PMS2: variants seen among roughly 807,000 people sequenced by gnomAD.
PMS2 encodes PMS1 homolog 2, mismatch repair system component, also known as mismatch repair endonuclease PMS2.
In PMS2, 69 loss-of-function variants were observed where a neutral mutation model predicts 90.0. The observed-to-expected ratio is 0.77, with a 90% CI of 0.63 to 0.94. The LOEUF (loss-of-function observed/expected upper bound fraction) is 0.94. Among genes scored for constraint, PMS2 ranks in the 40% least tolerant of loss-of-function variants. The pLI, the probability that PMS2 is intolerant of heterozygous loss-of-function variation, is 0.00. For missense variants in PMS2, 966 were observed against 1,040.2 expected, an observed-to-expected ratio of 0.93 and a Z score of 0.98; for synonymous variants, 332 against 375.1, an observed-to-expected ratio of 0.89 and a Z score of 1.33.
chr7:5,992,615 T>C (rs1783898112), intron 8 of PMS2, among the ~76,000 whole-genome samples: 2 of 152,266 alleles, frequency 1.3e-5, no homozygotes, highest in East Asian at 1.9e-4. Flanking sequence ...CCACTACACC[T>C]GGCCTAAGGA....
chr7:5,999,028 C>T (rs1300267225), intron 6 of PMS2, 80 bp downstream of exon 6: 7 of 1,339,736 alleles, frequency 5.2e-6, no homozygotes, highest in African/African-American at 1.4e-5. Context: ...TTTTATTCTC[C>T]ATTCTACTGG....
At chr7:6,002,685 T>A (rs1463743557) in intron 4 of PMS2, 49 bp from the exon 5 acceptor site, 1 of 1,403,702 alleles carries the variant, frequency 7.1e-7, no homozygotes, top group East Asian at 2.3e-5. Flanking sequence ...ACCCATGATG[T>A]TGGGCACTGA....
intron 12 of PMS2, among the ~76,000 whole-genome samples, chr7:5,979,333 G>A (rs1487929010): frequency 1.4e-5 from 2 of 147,154 alleles, no homozygotes; most frequent in Non-Finnish European, 3.0e-5. Flanking sequence ...GGAGGTTGCA[G>A]TGAGCCAAGA....
intron 11 of PMS2, among the ~76,000 whole-genome samples, chr7:5,983,813 G>A (rs1239557066): frequency 4.0e-5 from 6 of 151,376 alleles, no homozygotes; most frequent in Admixed American, 1.3e-4. Flanking sequence ...CGCCAAGCCC[G>A]GCTAATTTTT....
chr7:6,008,876 AG>A, intron 1 of PMS2, 120 bp downstream of exon 1: 1 of 1,268,292 alleles, frequency 7.9e-7, no homozygotes, highest in Non-Finnish European at 1.2e-6. Flanking sequence ...CGGGGCCTCC[AG>A]GGGGCTGCCT....
chr7:5,997,267 A>C, intron 7 of PMS2, 59 bp downstream of exon 7: 1 of 869,064 alleles, frequency 1.2e-6, no homozygotes, highest in Non-Finnish European at 1.9e-6. Context: ...CTATCTTTAA[A>C]AAAAAAGCTC....
At chr7:5,988,517 C>T (rs1319366156) in intron 10 of PMS2, among the ~76,000 whole-genome samples, 1 of 152,018 alleles carries the variant, frequency 6.6e-6, no homozygotes, top group East Asian at 1.9e-4. Context: ...GAGCCAAGAT[C>T]ACTCCACTGC....
chr7:5,997,369 C>G lies in PMS2; in HGVS notation c.760G>C (p.Glu254Gln). The change falls in exon 7 of 15, where the codon GAG becomes CAG. Residue 254 changes from glutamate to glutamine, a missense_variant. Glu to Gln is a conservative substitution (Grantham distance 29, BLOSUM62 2). Coordinates refer to ENST00000265849, the MANE Select transcript of PMS2 (RefSeq NM_000535.7). ...QLPPSDSVCE[E>Q]YGLSCSDALH... ...GCATCGGAACAGCTCAAACCGTACT[C>G]TTCACACACGGAGTCACTAGGGGGC... is the stretch of plus-strand genomic sequence containing the variant. 1 of 1,606,292 alleles carries G rather than the reference C, an allele frequency of 6.2e-7. No individual in the cohort carries two copies. Among genetic ancestry groups the G allele is most frequent in the Non-Finnish European group, 8.5e-7 (1 of 1,174,088 alleles).
At position 6,006,946 on chromosome 7, in the gene PMS2, C is replaced by G. The variant is rs1395902983; in HGVS notation, c.24-915G>C. 3.9e-5 allele frequency among the ~76,000 whole-genome samples: 6 copies of G among 152,228 alleles called. No individual in the cohort carries two copies. The East Asian group carries it at 9.7e-4, about 24-fold the overall frequency. On this transcript the variant is annotated intron_variant, in intron 1 of 14. Coordinates refer to ENST00000265849, the MANE Select transcript of PMS2 (RefSeq NM_000535.7). ...CAGAGCTATTTTTGAAATCACAAAT[C>G]TGGTCAAATAATTTTTCTGCTTAAA... is the stretch of plus-strand genomic sequence containing the variant.
intron 13 of PMS2, among the ~76,000 whole-genome samples, chr7:5,978,304 CTT>C (rs1250571354): frequency 6.8e-5 from 10 of 146,160 alleles, no homozygotes; most frequent in African/African-American, 2.5e-4. Flanking sequence ...GAGTTTCACT[CTT>C]GTTGCCCAGG....
intron 8 of PMS2, among the ~76,000 whole-genome samples, chr7:5,993,132 AG>A (rs1783949373): frequency 1.3e-5 from 2 of 152,144 alleles, no homozygotes; most frequent in African/African-American, 2.4e-5. Context: ...GCACTTTGGG[AG>A]GTCAAGGCAG....
At chr7:5,988,043 ACT>A (rs1245862396) in intron 10 of PMS2, among the ~76,000 whole-genome samples, 1 of 118,844 alleles carries the variant, frequency 8.4e-6, no homozygotes, top group African/African-American at 3.5e-5. Context: ...ACAGAGCAAC[ACT>A]CTGTCTCAAA....
At chr7:5,982,701 A>T in intron 12 of PMS2, 123 bp downstream of exon 12, 1 of 1,387,050 alleles carries the variant, frequency 7.2e-7, no homozygotes, top group Non-Finnish European at 1.0e-6. Flanking sequence ...AAGTAGATAC[A>T]AGGTCTTGCT....
At chr7:6,004,266 T>C in intron 2 of PMS2, 1 of 457,674 alleles carries the variant, frequency 2.2e-6, no homozygotes, top group Non-Finnish European at 3.9e-6. Context: ...TTTTTCTTTC[T>C]TTCCTCTTTT....
chr7:5,984,793 A>C (rs1208817771), intron 11 of PMS2, among the ~76,000 whole-genome samples: 2 of 151,630 alleles, frequency 1.3e-5, no homozygotes, highest in Non-Finnish European at 1.5e-5. Context: ...CTCAAAAAAA[A>C]AACAAAGGAG....
At chr7:6,008,278 G>A (rs1478689096) in intron 1 of PMS2, among the ~76,000 whole-genome samples, 1 of 152,114 alleles carries the variant, frequency 6.6e-6, no homozygotes, top group African/African-American at 2.4e-5. Context: ...AATGCAGAGA[G>A]CAAATTTGCG....
Position 5,992,046 on chromosome 7 carries a change from G to A in PMS2, c.915C>T (p.Leu305=), listed in dbSNP as rs767392742. ...RPCDPAKVCR[L]VNEVYHMYNR... ...TATACATGTGGTAGACCTCATTCAC[G>A]AGTCTGCAGACCTGCACAAAATACA... is the stretch of plus-strand genomic sequence containing the variant. The change falls in exon 9 of 15, where the codon CTC becomes CTT. Residue 305 remains leucine (L), a synonymous_variant. Coordinates refer to ENST00000265849, the MANE Select transcript of PMS2 (RefSeq NM_000535.7). The A allele has an allele frequency of 8.3e-6, 13 of 1,569,500 alleles. No individual in the cohort carries two copies. The highest frequency in any genetic ancestry group is 6.7e-5 in the East Asian group (3 of 44,678).
In PMS2 at chr7:5,987,112, G is replaced by A. The variant is rs876659162; in HGVS notation, c.1653C>T (p.Cys551=). 2 of 1,614,018 alleles carry A rather than the reference G, an allele frequency of 1.2e-6. No individual in the cohort carries two copies. The highest frequency in any genetic ancestry group is 1.7e-6 in the Non-Finnish European group (2 of 1,179,948). ...KTDDSFSDVD[C]HSNQEDTGCK... ...ATCCGGTATCTTCCTGGTTTGAATG[G>A]CAGTCCACATCTGAAAAAGAGTCGT... The change falls in exon 11 of 15, where the codon TGC becomes TGT. Residue 551 remains cysteine, a synonymous_variant. Transcript: ENST00000265849.
chr7:5,989,849 A>G lies in PMS2; in HGVS notation c.1095T>C (p.Ser365=), dbSNP rs763278132. 10 of 1,612,752 alleles carry G rather than the reference A, an allele frequency of 6.2e-6. No homozygotes were observed. In the South Asian group the frequency reaches 8.8e-5, roughly 14 times the overall value. The change falls in exon 10 of 15, where the codon AGT becomes AGC. Residue 365 remains serine, a synonymous_variant. Coordinates refer to ENST00000265849, the MANE Select transcript of PMS2 (RefSeq NM_000535.7). ...GACTGACATTTAGCTTGTTGACATC[A>G]CTATCAAACATTCCTATCAAAGAGG... ...LKTSLIGMFD[S]DVNKLNVSQQ... is the part of the protein sequence containing the mutation.
Sources: allele counts gnomAD v4.1 joint callset (sites outside exome capture counted in the v4.1 genomes callset), GRCh38; gene constraint gnomAD v4.1.1; transcripts MANE v1.5; gene names NCBI Gene and HGNC (gene_info 2026-07-23, HGNC 2026-07-21).